CREBBP: variants seen among roughly 807,000 people sequenced by gnomAD.
CREBBP encodes CREB binding lysine acetyltransferase.
In CREBBP, 19 loss-of-function variants were observed where a neutral mutation model predicts 265.0. That is an observed-to-expected ratio of 0.07 (90% CI 0.05 to 0.11). The LOEUF is 0.11. CREBBP is among the 10% of genes least tolerant of loss of function. The pLI, the probability that CREBBP is intolerant of heterozygous loss-of-function variation, is 1.00. For missense variants in CREBBP, 2,525 were observed against 3,219.0 expected, an observed-to-expected ratio of 0.78 and a Z score of 5.22; for synonymous variants, 1,457 against 1,223.7, an observed-to-expected ratio of 1.19 and a Z score of -3.98.
At chr16:3,852,157 GTTTTTTTTTTT>G (rs910861282) in intron 1 of CREBBP, among the ~76,000 whole-genome samples, 19 of 50,914 alleles carry the variant, frequency 3.7e-4, no homozygotes, top group Non-Finnish European at 5.9e-4. Flanking sequence ...TCTTAAATTT[GTTTTTTTTTTT>G]TTTTTTTTTT....
chr16:3,873,562 C>G (rs1410881216), intron 1 of CREBBP, among the ~76,000 whole-genome samples: 1 of 152,200 alleles, frequency 6.6e-6, no homozygotes, highest in African/African-American at 2.4e-5. Context: ...CAAGGTACGA[C>G]AACGTCCCTG....
intron 1 of CREBBP, among the ~76,000 whole-genome samples, chr16:3,873,374 A>G (rs985089876): frequency 2.0e-5 from 3 of 152,208 alleles, no homozygotes; most frequent in African/African-American, 7.2e-5. Flanking sequence ...GACAGAGTCA[A>G]TGGTATAGAT....
chr16:3,774,452 C>G, intron 12 of CREBBP, 117 bp downstream of exon 12: 1 of 1,403,002 alleles, frequency 7.1e-7, no homozygotes, highest in East Asian at 2.3e-5. Flanking sequence ...TAAAGCATAA[C>G]CCAAATTCAA....
chr16:3,850,769 C>T lies in CREBBP; in HGVS notation c.326G>A (p.Ser109Asn). Residue 109 changes from serine to asparagine, a missense_variant, in exon 2 of 31, where the codon AGT becomes AAT. By Grantham distance (46) the Ser-to-Asn change is conservative. This residue lies in a region of CREBBP where 356 missense variants were observed against 340.4 expected (regional missense o/e 1.05). Coordinates refer to ENST00000262367, the MANE Select transcript of CREBBP (RefSeq NM_004380.3). The stretch of plus-strand genomic sequence containing the variant: ...GGCACTGAGGCTGGCCATGTTAGCA[C>T]TGTTCGGCTGCCCTTGAGCCTGGCC... ...LGGQAQGQPNSANMASLSAMG... is the reference protein window; with the variant it reads ...LGGQAQGQPNNANMASLSAMG... 3.7e-6 allele frequency: 6 copies of T among 1,614,130 alleles called. No individual in the cohort carries two copies. The highest frequency in any genetic ancestry group is 5.1e-6 in the Non-Finnish European group (6 of 1,180,040).
chr16:3,855,003 C>G (rs993462331), intron 1 of CREBBP, among the ~76,000 whole-genome samples: 3 of 152,198 alleles, frequency 2.0e-5, no homozygotes, highest in South Asian at 2.1e-4. Context: ...TACATAATCA[C>G]AGTATGCATG....
rs1284271051 is a variant in CREBBP at position 3,729,577 on chromosome 16, C to A, written c.5470G>T (p.Ala1824Ser). 1 of 1,614,022 alleles carries A rather than the reference C, an allele frequency of 6.2e-7. No homozygotes were observed. Among genetic ancestry groups the A allele is most frequent in the Non-Finnish European group, 8.5e-7 (1 of 1,180,018 alleles). Residue 1824 changes from alanine (A) to serine (S), a missense_variant, in exon 31 of 31, where the codon GCC becomes TCC. Physicochemically the swap from Ala to Ser is moderately conservative, Grantham distance 99. Transcript: ENST00000262367. ...TGCTTGGCGTGGTAGCAGCAGAGGG[C>A]GATGAGCTGCTTGCACACCGGGCAG... ...GGCPVCKQLI[A>S]LCCYHAKHCQ... is the part of the protein sequence containing the mutation.
chr16:3,792,578 C>T (rs895293538), intron 4 of CREBBP, among the ~76,000 whole-genome samples: 1 of 152,086 alleles, frequency 6.6e-6, no homozygotes, highest in East Asian at 1.9e-4. Context: ...GCTAACTGAC[C>T]CTGGTTATTC....
chr16:3,855,832 ATATT>A (rs1597064437), intron 1 of CREBBP, among the ~76,000 whole-genome samples: 2 of 152,184 alleles, frequency 1.3e-5, no homozygotes, highest in East Asian at 1.9e-4. Context: ...AAACTGTACA[ATATT>A]TATTAAATAT....
At chr16:3,832,230 G>A (rs940700671) in intron 2 of CREBBP, among the ~76,000 whole-genome samples, 2 of 151,998 alleles carry the variant, frequency 1.3e-5, no homozygotes, top group African/African-American at 4.8e-5. Flanking sequence ...GACCTGGATC[G>A]CTTCACTGGT....
In CREBBP at chr16:3,810,618, G is replaced by A. The variant is rs898885851; in HGVS notation, c.960C>T (p.Thr320=). The A allele has an allele frequency of 1.2e-5, 19 of 1,613,634 alleles. No homozygotes were observed. The highest frequency in any genetic ancestry group is 4.0e-5 in the African/African-American group (3 of 74,830). Residue 320 remains threonine (T), a synonymous_variant, in exon 3 of 31, where the codon ACC becomes ACT. Transcript: ENST00000262367. Reference sequence around the variant, plus strand: ...GGTAACTTACCATATTTGGCACGTTGGTGACTGAAGTATTCTTGATATCTG... The same window carrying A: ...GGTAACTTACCATATTTGGCACGTTAGTGACTGAAGTATTCTTGATATCTG... ...FPTDIKNTSV[T]NVPNMSQMQT...
At chr16:3,873,467 C>T (rs1017688379) in intron 1 of CREBBP, among the ~76,000 whole-genome samples, 1 of 152,296 alleles carries the variant, frequency 6.6e-6, no homozygotes, top group African/African-American at 2.4e-5. Flanking sequence ...GATACGAGCA[C>T]ACATGGCTTC....
chr16:3,741,827 G>A (rs1046319679), intron 23 of CREBBP: 2 of 152,238 alleles, frequency 1.3e-5, no homozygotes, highest in Non-Finnish European at 2.9e-5. Context: ...TGTAATTCCA[G>A]CATTTTGGGA....
chr16:3,798,310 G>T (rs1311320947), intron 3 of CREBBP, among the ~76,000 whole-genome samples: 1 of 152,038 alleles, frequency 6.6e-6, no homozygotes, highest in East Asian at 1.9e-4. Context: ...AGTGATAAAA[G>T]AAAAATAAAC....
At chr16:3,762,703 T>C (rs941191682) in intron 16 of CREBBP, among the ~76,000 whole-genome samples, 3 of 152,108 alleles carry the variant, frequency 2.0e-5, no homozygotes, top group Non-Finnish European at 4.4e-5. Context: ...CCCCAGCCCC[T>C]GTGACTACTG....
chr16:3,777,870 G>A (rs1017444706), intron 10 of CREBBP, 141 bp downstream of exon 10: 17 of 1,153,784 alleles, frequency 1.5e-5, no homozygotes, highest in Non-Finnish European at 2.1e-5. Context: ...GAGGCAGGTG[G>A]TCAGGGCCAC....
At chr16:3,793,760 A>G in intron 3 of CREBBP, 134 bp from the exon 4 acceptor site, 1 of 1,065,782 alleles carries the variant, frequency 9.4e-7, no homozygotes, top group South Asian at 1.4e-5. Flanking sequence ...GTAGTTCTCT[A>G]ACCCACTGAT....
intron 2 of CREBBP, among the ~76,000 whole-genome samples, chr16:3,829,820 C>A (rs927641955): frequency 7.2e-5 from 11 of 151,998 alleles, no homozygotes; most frequent in African/African-American, 2.7e-4. Flanking sequence ...TGACCCATAA[C>A]CAGGAATTCT....
At chr16:3,801,902 C>A (rs1339653067) in intron 3 of CREBBP, among the ~76,000 whole-genome samples, 1 of 152,044 alleles carries the variant, frequency 6.6e-6, no homozygotes, top group African/African-American at 2.4e-5. Flanking sequence ...TTAGTCTCCC[C>A]TGCCTGTTAC....
At position 3,729,359 on chromosome 16, in the gene CREBBP, C is replaced by T. The variant is rs1229748932; in HGVS notation, c.5688G>A (p.Gln1896=). 6.2e-7 allele frequency: 1 copy of T among 1,605,036 alleles called. No homozygotes were observed. The highest frequency in any genetic ancestry group is 8.5e-7 in the Non-Finnish European group (1 of 1,178,442). Residue 1896 remains glutamine (Q), a synonymous_variant, in exon 31 of 31, where the codon CAG becomes CAA. Coordinates refer to ENST00000262367, the MANE Select transcript of CREBBP (RefSeq NM_004380.3). Reference sequence around the variant, plus strand: ...GCTGCGGCGTCTGGGGTGTGCTGGGCTGCTGTGTGGGGGTCCCGGGCGGTG... The same window carrying T: ...GCTGCGGCGTCTGGGGTGTGCTGGGTTGCTGTGTGGGGGTCCCGGGCGGTG... The part of the protein sequence containing the change: ...TSAPPGTPTQ[Q]PSTPQTPQPP...
Sources: allele counts gnomAD v4.1 joint callset (sites outside exome capture counted in the v4.1 genomes callset), GRCh38; gene constraint gnomAD v4.1.1; regional missense constraint gnomAD v4.1.1; transcripts MANE v1.5; gene names NCBI Gene and HGNC (gene_info 2026-07-23, HGNC 2026-07-21).